JAZF1: variants seen among roughly 807,000 people sequenced by gnomAD.
JAZF1 encodes JAZF zinc finger 1.
JAZF1 carries 8 observed loss-of-function variants against 26.4 expected under a neutral mutation model. The ratio of observed to expected loss-of-function variants is 0.30; its 90% CI spans 0.18 to 0.55. The LOEUF (loss-of-function observed/expected upper bound fraction) is 0.55. Among genes scored for constraint, JAZF1 ranks in the 20% least tolerant of loss-of-function variants. The probability of loss-of-function intolerance (pLI) is 0.94; values close to 1 mark genes in which losing one functional copy is unlikely to be tolerated. For missense variants in JAZF1, 199 were observed against 322.0 expected (o/e 0.62, Z 2.92); for synonymous variants, 126 against 122.3 (o/e 1.03, Z -0.20).
chr7:28,023,888 A>G (rs575433307), intron 1 of JAZF1, among the ~76,000 whole-genome samples: 1 of 152,350 alleles, frequency 6.6e-6, no homozygotes, highest in African/African-American at 2.4e-5. Context: ...AGCACCTAGA[A>G]AAAACACTAT....
intron 1 of JAZF1, among the ~76,000 whole-genome samples, chr7:28,143,365 C>G (rs1782984237): frequency 1.3e-5 from 2 of 152,158 alleles, no homozygotes; most frequent in Non-Finnish European, 2.9e-5. Context: ...GGCCCTTTGT[C>G]TCTGGTGAAG....
intron 3 of JAZF1, among the ~76,000 whole-genome samples, chr7:27,886,571 T>C (rs1008338785): frequency 6.6e-6 from 1 of 152,240 alleles, no homozygotes; most frequent in Non-Finnish European, 1.5e-5. Flanking sequence ...TTAATTGCAT[T>C]GAAACAGCGT....
intron 1 of JAZF1, among the ~76,000 whole-genome samples, chr7:28,082,251 G>T (rs1329989138): frequency 6.6e-6 from 1 of 152,116 alleles, no homozygotes; most frequent in Non-Finnish European, 1.5e-5. Context: ...GCATGGGGGC[G>T]TGGGGAGGCG....
At chr7:27,838,237 C>A (rs886736867) in intron 4 of JAZF1, among the ~76,000 whole-genome samples, 1 of 152,132 alleles carries the variant, frequency 6.6e-6, no homozygotes, top group Non-Finnish European at 1.5e-5. Flanking sequence ...TAGAGAGAAT[C>A]TGTTGCAACT....
At chr7:27,949,959 A>G (rs1784983001) in intron 2 of JAZF1, among the ~76,000 whole-genome samples, 1 of 152,170 alleles carries the variant, frequency 6.6e-6, no homozygotes, top group South Asian at 2.1e-4. Flanking sequence ...GGAACTTCCC[A>G]GGATTCCTGA....
At chr7:27,955,921 G>A (rs916581234) in intron 2 of JAZF1, among the ~76,000 whole-genome samples, 4 of 152,174 alleles carry the variant, frequency 2.6e-5, no homozygotes, top group East Asian at 1.9e-4. Context: ...ACCTACAGCA[G>A]GTCCCAAACT....
chr7:28,120,307 A>G (rs1170468705), intron 1 of JAZF1, among the ~76,000 whole-genome samples: 2 of 151,842 alleles, frequency 1.3e-5, no homozygotes, highest in Non-Finnish European at 2.9e-5. Flanking sequence ...CACTACAGCC[A>G]AAGGAAACTT....
intron 2 of JAZF1, among the ~76,000 whole-genome samples, chr7:27,948,751 A>G (rs1220728153): frequency 1.3e-5 from 2 of 152,200 alleles, no homozygotes; most frequent in African/African-American, 2.4e-5. Context: ...TTGCTAGATC[A>G]TGTTTTTGGT....
At chr7:28,056,755 GC>G (rs1562572781) in intron 1 of JAZF1, among the ~76,000 whole-genome samples, 2 of 151,760 alleles carry the variant, frequency 1.3e-5, no homozygotes, top group African/African-American at 4.8e-5. Flanking sequence ...AATTCCTGAT[GC>G]ACACACTCCT....
rs1368873651 is a variant in JAZF1 at position 27,979,405 on chromosome 7, T to TTTTTC, written c.188+12503_188+12504insGAAAA. On this transcript the variant is annotated intron_variant, in intron 2 of 4. Transcript: ENST00000283928. ...TTTTTTTTTTTTTTTTTTTTTTTTT[T>TTTTTC]AGAAACAGAGTCTTGTTCTATCACC... Among the ~76,000 whole-genome samples the TTTTTC allele has an allele frequency of 1.3e-3, 108 of 84,240 alleles. 22 individuals carry two copies. In the East Asian group the frequency reaches 0.017, roughly 13 times the overall value. 55.3% of individuals were successfully genotyped at this position (84,240 alleles called of 152,430 possible).
chr7:28,157,253 A>C (rs994490973), intron 1 of JAZF1, among the ~76,000 whole-genome samples: 1 of 152,234 alleles, frequency 6.6e-6, no homozygotes, highest in African/African-American at 2.4e-5. Context: ...ACAAAGTGAG[A>C]GGAGGCTGGC....
rs766324679 is a variant in JAZF1 at position 27,832,864 on chromosome 7, C to T, written c.668G>A (p.Arg223Gln). Residue 223 changes from arginine to glutamine, a missense_variant, in exon 5 of 5, where the codon CGG (arginine) becomes CAG (glutamine). Around this residue, in one of 2 missense-constraint regions of JAZF1, gnomAD observed 62 missense variants for 137.2 expected, o/e 0.45. Coordinates refer to ENST00000283928, the MANE Select transcript of JAZF1 (RefSeq NM_175061.4). ...GGGATGGAAATTGATTGTGTGGTGC[C>T]GCAGGCCCTGAGCTGTCTTGTAACT... ...GKSYKTAQGL[R>Q]HHTINFHPPV... The T allele has an allele frequency of 2.5e-6, 4 of 1,611,836 alleles. No individual in the cohort carries two copies. The highest frequency in any genetic ancestry group is 1.7e-5 in the Admixed American group (1 of 59,412).
chr7:27,959,465 ACTG>A (rs1474631844), intron 2 of JAZF1, among the ~76,000 whole-genome samples: 2 of 152,212 alleles, frequency 1.3e-5, no homozygotes, highest in Non-Finnish European at 2.9e-5. Context: ...CATACTTTAC[ACTG>A]CTATTTAAGT....
chr7:27,904,766 G>A (rs195), intron 2 of JAZF1, among the ~76,000 whole-genome samples: 47,821 of 151,934 alleles, frequency 0.31, 7,829 homozygotes, highest in Admixed American at 0.42. Context: ...CATTTGATCA[G>A]ATCAGTTTGG....
At chr7:27,838,050 C>G (rs1363356426) in intron 4 of JAZF1, among the ~76,000 whole-genome samples, 1 of 149,756 alleles carries the variant, frequency 6.7e-6, no homozygotes, top group Non-Finnish European at 1.5e-5. Context: ...GTTGCTGCTT[C>G]CAGAGACTCA....
intron 1 of JAZF1, among the ~76,000 whole-genome samples, chr7:28,082,856 G>C (rs1266260130): frequency 6.6e-6 from 1 of 152,124 alleles, no homozygotes; most frequent in Non-Finnish European, 1.5e-5. Flanking sequence ...AAGGTAGCCA[G>C]GGCCAGCTTC....
At position 27,830,746 on chromosome 7, in the gene JAZF1, G is replaced by A. The variant is rs774857678; in HGVS notation, c.*2054C>T. 1 of 197,960 alleles carries A rather than the reference G, an allele frequency of 5.1e-6. No individual in the cohort carries two copies. Among genetic ancestry groups the A allele is most frequent in the Non-Finnish European group, 1.0e-5 (1 of 95,396 alleles). 12.3% of individuals were successfully genotyped at this position (197,960 alleles called of 1,614,324 possible). A position where few individuals can be genotyped will look rare whatever the true frequency, so the allele number is the denominator to read the frequency against. On this transcript the variant is annotated 3_prime_UTR_variant, in exon 5 of 5. Transcript: ENST00000283928. ...AAAACATATGAAAATATAATTTAAA[G>A]CACAGTTTTCACAGACACAGTACAA...
At chr7:27,954,949 A>G (rs1270105859) in intron 2 of JAZF1, among the ~76,000 whole-genome samples, 2 of 152,002 alleles carry the variant, frequency 1.3e-5, no homozygotes, top group Non-Finnish European at 1.5e-5. Context: ...GTAGAGATGG[A>G]GTTTCTCCAT....
At chr7:27,931,432 G>A (rs545247527) in intron 2 of JAZF1, among the ~76,000 whole-genome samples, 1 of 152,258 alleles carries the variant, frequency 6.6e-6, no homozygotes, top group East Asian at 1.9e-4. Flanking sequence ...AAAAAACACA[G>A]GACTATTACA....
Sources: gnomAD v4.1 joint callset for allele counts (sites outside exome capture counted in the v4.1 genomes callset) on GRCh38, gnomAD v4.1.1 for gene constraint, gnomAD v4.1.1 regional missense constraint, MANE v1.5 for transcripts, NCBI Gene and HGNC (gene_info 2026-07-23, HGNC 2026-07-21) for gene names.